The following CNTNAP2 variants were observed in gnomAD, a reference collection of about 807,000 sequenced individuals.
The protein encoded by CNTNAP2 is contactin-associated protein-like 2.
CNTNAP2 carries 98 observed loss-of-function variants against 155.2 expected under a neutral mutation model. The ratio of observed to expected loss-of-function variants is 0.63; its 90% CI spans 0.54 to 0.75. The LOEUF (loss-of-function observed/expected upper bound fraction) is 0.75. Ranked by LOEUF, CNTNAP2 falls within the 30% of genes least tolerant of loss-of-function variation. The pLI is 0.00. For missense variants in CNTNAP2, 1,727 were observed against 1,688.1 expected, an observed-to-expected ratio of 1.02 and a Z score of -0.40; for synonymous variants, 651 against 631.2, an observed-to-expected ratio of 1.03 and a Z score of -0.47.
At chr7:147,531,894 A>G (rs1399477800) in intron 11 of CNTNAP2, among the ~76,000 whole-genome samples, 1 of 149,446 alleles carries the variant, frequency 6.7e-6, no homozygotes, top group African/African-American at 2.5e-5. Flanking sequence ...GCAAGCTTCA[A>G]CTCCTGGGTT....
intron 1 of CNTNAP2, among the ~76,000 whole-genome samples, chr7:146,360,126 A>G (rs117758517): frequency 0.012 from 1,805 of 152,280 alleles, 17 homozygotes; most frequent in Non-Finnish European, 0.019. Flanking sequence ...ATTCTGACCT[A>G]CTTTCGAATG....
At chr7:147,304,109 A>C (rs1025752076) in intron 9 of CNTNAP2, among the ~76,000 whole-genome samples, 2 of 152,046 alleles carry the variant, frequency 1.3e-5, no homozygotes, top group African/African-American at 4.8e-5. Context: ...CCAGTGTGCA[A>C]TTTTATCTCT....
intron 1 of CNTNAP2, among the ~76,000 whole-genome samples, chr7:146,382,059 C>G (rs1250490800): frequency 6.6e-6 from 1 of 152,076 alleles, no homozygotes; most frequent in Admixed American, 6.5e-5. Context: ...TAAAGAAAGC[C>G]TATTGAAAAT....
chr7:146,245,578 A>G (rs1799633873), intron 1 of CNTNAP2, among the ~76,000 whole-genome samples: 1 of 152,084 alleles, frequency 6.6e-6, no homozygotes, highest in Non-Finnish European at 1.5e-5. Flanking sequence ...CACACTAACC[A>G]TGCCTAGGAA....
At chr7:147,979,908 C>T (rs904194490) in intron 15 of CNTNAP2, among the ~76,000 whole-genome samples, 5 of 152,100 alleles carry the variant, frequency 3.3e-5, no homozygotes, top group Non-Finnish European at 5.9e-5. Context: ...CAGGTGTGAG[C>T]CACTGTGCCC....
In CNTNAP2 at chr7:148,401,243, G is replaced by A. The variant is rs58176520; in HGVS notation, c.3716-8148G>A. ...ATGAGAGAGTCCTGAATGAGGAGTCGAAAGACCTCGTCCTCGTAGCAGCGA... is the reference window on the plus strand; with the variant it reads ...ATGAGAGAGTCCTGAATGAGGAGTCAAAAGACCTCGTCCTCGTAGCAGCGA... On this transcript the variant is annotated intron_variant, in intron 22 of 23. Coordinates refer to ENST00000361727, the MANE Select transcript of CNTNAP2 (RefSeq NM_014141.6). 6.6e-3 allele frequency among the ~76,000 whole-genome samples: 999 copies of A among 152,270 alleles called. 13 individuals carry two copies. Among genetic ancestry groups the A allele is most frequent in the African/African-American group, 0.022 (907 of 41,552 alleles).
intron 8 of CNTNAP2, among the ~76,000 whole-genome samples, chr7:147,184,944 G>A (rs1465370336): frequency 2.6e-5 from 4 of 152,126 alleles, no homozygotes; most frequent in Admixed American, 6.6e-5. Context: ...TTGGGAAAAC[G>A]TTGGTAATGC....
chr7:147,601,394 G>T (rs573274497), intron 12 of CNTNAP2, among the ~76,000 whole-genome samples: 4 of 151,852 alleles, frequency 2.6e-5, no homozygotes, highest in Non-Finnish European at 5.9e-5. Flanking sequence ...GGGCAGGGGT[G>T]GGGGACACAA....
chr7:146,388,941 C>T (rs988778846), intron 1 of CNTNAP2, among the ~76,000 whole-genome samples: 2 of 152,082 alleles, frequency 1.3e-5, no homozygotes, highest in African/African-American at 2.4e-5. Flanking sequence ...GATGCAGAGA[C>T]AAGCATCTAG....
At chr7:146,885,080 T>C (rs1186103597) in intron 3 of CNTNAP2, among the ~76,000 whole-genome samples, 1 of 152,174 alleles carries the variant, frequency 6.6e-6, no homozygotes, top group African/African-American at 2.4e-5. Flanking sequence ...TGTTTACATG[T>C]TAGATGAGTT....
At chr7:147,096,720 C>G (rs1800543184) in intron 4 of CNTNAP2, among the ~76,000 whole-genome samples, 1 of 152,178 alleles carries the variant, frequency 6.6e-6, no homozygotes, top group African/African-American at 2.4e-5. Flanking sequence ...GTAAGTACTG[C>G]TCATTTATGA....
At chr7:146,696,504 T>C (rs1207340572) in intron 1 of CNTNAP2, among the ~76,000 whole-genome samples, 1 of 152,144 alleles carries the variant, frequency 6.6e-6, no homozygotes, top group Non-Finnish European at 1.5e-5. Flanking sequence ...ACTCTACTAA[T>C]TTCCTGTTTT....
At chr7:147,007,780 C>T (rs1252688837) in intron 3 of CNTNAP2, among the ~76,000 whole-genome samples, 1 of 151,974 alleles carries the variant, frequency 6.6e-6, no homozygotes, top group Non-Finnish European at 1.5e-5. Flanking sequence ...GTAAGTACTT[C>T]AGAACTATCT....
intron 13 of CNTNAP2, among the ~76,000 whole-genome samples, chr7:147,894,953 C>CTTTTTTTTTT (rs1799752200): frequency 9.5e-5 from 6 of 63,120 alleles, no homozygotes; most frequent in African/African-American, 2.0e-4. Context: ...TTCTTTCTTT[C>CTTTTTTTTTT]TTTCTTTCTT....
chr7:147,848,991 G>A (rs1206091633), intron 13 of CNTNAP2, among the ~76,000 whole-genome samples: 1 of 151,956 alleles, frequency 6.6e-6, no homozygotes, highest in Non-Finnish European at 1.5e-5. Context: ...ACTTATGCCA[G>A]GCTCCAGCTA....
At chr7:147,360,467 T>C (rs774918787) in intron 9 of CNTNAP2, among the ~76,000 whole-genome samples, 1 of 152,162 alleles carries the variant, frequency 6.6e-6, no homozygotes, top group African/African-American at 2.4e-5. Context: ...TTTAAAGACA[T>C]GAGATAATTT....
intron 12 of CNTNAP2, among the ~76,000 whole-genome samples, chr7:147,582,980 G>A (rs773548443): frequency 2.0e-5 from 3 of 152,024 alleles, no homozygotes; most frequent in Admixed American, 1.3e-4. Flanking sequence ...ACATGTATAT[G>A]TGTATTCCTG....
intron 15 of CNTNAP2, among the ~76,000 whole-genome samples, chr7:148,031,288 A>G (rs535998185): frequency 6.6e-6 from 1 of 152,204 alleles, no homozygotes; most frequent in Non-Finnish European, 1.5e-5. Context: ...AAGAATTTAC[A>G]ATTGCAAGTT....
At chr7:146,363,732 C>A (rs963503456) in intron 1 of CNTNAP2, among the ~76,000 whole-genome samples, 5 of 152,224 alleles carry the variant, frequency 3.3e-5, no homozygotes, top group Admixed American at 2.6e-4. Context: ...AGGAAGTTGA[C>A]AGACAGGATC....
Sources: allele counts gnomAD v4.1 joint callset (sites outside exome capture counted in the v4.1 genomes callset), GRCh38; gene constraint gnomAD v4.1.1; transcripts MANE v1.5; gene names NCBI Gene and HGNC (gene_info 2026-07-23, HGNC 2026-07-21).